The following KIFC3 variants were observed in gnomAD, a reference collection of about 807,000 sequenced individuals.
The protein encoded by KIFC3 is kinesin family member C3, also known as kinesin-like protein KIFC3.
In KIFC3, 60 loss-of-function variants were observed where a neutral mutation model predicts 101.8. That is an observed-to-expected ratio of 0.59 (90% CI 0.48 to 0.73). The LOEUF (loss-of-function observed/expected upper bound fraction) is 0.73, where lower values mean the gene tolerates loss of function less well. Ranked by LOEUF, KIFC3 falls within the 30% of genes least tolerant of loss-of-function variation. The pLI is 0.00. For missense variants in KIFC3, 966 were observed against 1,137.1 expected (o/e 0.85, Z 2.16); for synonymous variants, 476 against 482.7 (o/e 0.99, Z 0.18).
At chr16:57,854,629 G>GAAAAA (rs59106449) in intron 1 of KIFC3, among the ~76,000 whole-genome samples, 1 of 131,226 alleles carries the variant, frequency 7.6e-6, no homozygotes, top group Non-Finnish European at 1.6e-5. Context: ...CTCCGTCTCA[G>GAAAAA]AAAAAAAAAA....
chr16:57,761,011 A>G, intron 15 of KIFC3, 31 bp downstream of exon 15: 1 of 1,602,664 alleles, frequency 6.2e-7, no homozygotes, highest in Non-Finnish European at 8.5e-7. Flanking sequence ...GGTTGTGGGG[A>G]TCCTCAGGCC....
intron 1 of KIFC3, chr16:57,813,796 G>A (rs1396085545): frequency 1.0e-6 from 1 of 985,470 alleles, no homozygotes; most frequent in African/African-American, 1.7e-5. Context: ...GGACTCGGGA[G>A]ACTCAAGGCA....
At position 57,782,110 on chromosome 16, in the gene KIFC3, C is replaced by T. The variant is rs114132312; in HGVS notation, c.316-9822G>A. On this transcript the variant is annotated intron_variant, in intron 3 of 19. Coordinates refer to ENST00000445690, the MANE Select transcript of KIFC3 (RefSeq NM_001130100.2). ...AGTCTGAGTCAAACCACAGTGAGGCCAGCAGGAGACCAGGGCACACGGGAG... is the reference window on the plus strand; with the variant it reads ...AGTCTGAGTCAAACCACAGTGAGGCTAGCAGGAGACCAGGGCACACGGGAG... The T allele has an allele frequency of 2.5e-3, 2,508 of 985,436 alleles. 50 individuals carry two copies. The African/African-American group carries it at 0.04, about 16-fold the overall frequency. 61.0% of individuals were successfully genotyped at this position (985,436 alleles called of 1,614,324 possible). A position where few individuals can be genotyped will look rare whatever the true frequency, so the allele number is the denominator to read the frequency against.
chr16:57,785,704 G>A, intron 3 of KIFC3: 3 of 1,161,590 alleles, frequency 2.6e-6, no homozygotes, highest in Non-Finnish European at 3.3e-6. Context: ...GGGCAGCAGA[G>A]GTCCCACGCT....
At chr16:57,764,272 T>C in intron 11 of KIFC3, 25 bp from the exon 12 acceptor site, 1 of 495,564 alleles carries the variant, frequency 2.0e-6, no homozygotes, top group Non-Finnish European at 4.0e-6. Flanking sequence ...GGAGGGAGGC[T>C]GGTGGGGGGG....
intron 1 of KIFC3, among the ~76,000 whole-genome samples, chr16:57,845,854 A>G (rs2055907319): frequency 1.3e-5 from 2 of 152,092 alleles, no homozygotes; most frequent in Non-Finnish European, 2.9e-5. Context: ...AGGGAGAGTC[A>G]CCTCTGAGAG....
intron 3 of KIFC3, among the ~76,000 whole-genome samples, chr16:57,774,523 A>AT (rs201606601): frequency 3.1e-4 from 46 of 147,024 alleles, no homozygotes; most frequent in Admixed American, 2.0e-3. Context: ...CTTTTCAGTA[A>AT]TTTTTTTTTT....
intron 1 of KIFC3, among the ~76,000 whole-genome samples, chr16:57,827,331 C>T (rs1482249031): frequency 1.3e-5 from 2 of 152,258 alleles, no homozygotes; most frequent in East Asian, 3.9e-4. Context: ...TCCAAGGCCA[C>T]TGCCGGCTGC....
At chr16:57,797,267 T>C (rs1359568515) in intron 2 of KIFC3, among the ~76,000 whole-genome samples, 1 of 152,160 alleles carries the variant, frequency 6.6e-6, no homozygotes, top group African/African-American at 2.4e-5. Context: ...CCTGTTCCTG[T>C]AGGTCACGAG....
In KIFC3 at chr16:57,795,073, G is replaced by A. The variant is rs782473649; in HGVS notation, c.241C>T (p.Leu81=). Residue 81 remains leucine, a synonymous_variant, in exon 3 of 20, where the codon CTA becomes TTA. Transcript: ENST00000445690. ...ACGCTAAGGGCTCGGCACTGAGCTA[G>A]GGCTGGGCGAGCTGCACTTCGGGCA... ...SSARSAARPA[L]AQCRALSVDW... The A allele has an allele frequency of 2.5e-6, 4 of 1,608,410 alleles. No individual in the cohort carries two copies. The highest frequency in any genetic ancestry group is 3.4e-6 in the Non-Finnish European group (4 of 1,177,846).
intron 4 of KIFC3, 112 bp downstream of exon 4, chr16:57,772,111 G>T: frequency 1.2e-6 from 1 of 865,546 alleles, no homozygotes; most frequent in Non-Finnish European, 1.8e-6. Flanking sequence ...CTGAGACAGG[G>T]TGGGATATGC....
At chr16:57,808,754 A>G (rs1234165785) in intron 1 of KIFC3, among the ~76,000 whole-genome samples, 1 of 152,218 alleles carries the variant, frequency 6.6e-6, no homozygotes, top group Non-Finnish European at 1.5e-5. Flanking sequence ...GAGGCCAGGC[A>G]GACCTGGGTT....
At chr16:57,794,703 G>C (rs2149192505) in intron 3 of KIFC3, among the ~76,000 whole-genome samples, 1 of 152,278 alleles carries the variant, frequency 6.6e-6, no homozygotes, top group Middle Eastern at 3.4e-3. Context: ...AAACCTGCCT[G>C]TTTTCCCAAT....
chr16:57,855,442 G>T (rs1265122490), intron 1 of KIFC3, among the ~76,000 whole-genome samples: 1 of 151,842 alleles, frequency 6.6e-6, no homozygotes, highest in Non-Finnish European at 1.5e-5. Flanking sequence ...TGAAAGTTTG[G>T]ATAGAAATTG....
chr16:57,799,901 A>G (rs1286848115), intron 1 of KIFC3, among the ~76,000 whole-genome samples: 1 of 152,150 alleles, frequency 6.6e-6, no homozygotes, highest in Non-Finnish European at 1.5e-5. Context: ...ACAGGCAGAA[A>G]GCCTGAGCCT....
chr16:57,793,285 C>CAAAAAAAAAAAAAAAAAA (rs879980109), intron 3 of KIFC3, among the ~76,000 whole-genome samples: 1 of 127,100 alleles, frequency 7.9e-6, no homozygotes. Context: ...GACTCTGTCT[C>CAAAAAAAAAAAAAAAAAA]AAAAAAAAAA....
chr16:57,856,971 T>G lies in KIFC3; in HGVS notation c.108+5758A>C, dbSNP rs9931369. On this transcript the variant is annotated intron_variant, in intron 1 of 2. Coordinates refer to the KIFC3 transcript ENST00000563028. ...TTCTACCAAACATTTCAAGAAGATA[T>G]AACACCAGTAGAACACTTCCTAACT... Among the ~76,000 whole-genome samples the G allele has an allele frequency of 7.4e-3, 1,131 of 152,284 alleles. 15 individuals are homozygous for G. The highest frequency in any genetic ancestry group is 0.026 in the African/African-American group (1,078 of 41,554).
intron 3 of KIFC3, among the ~76,000 whole-genome samples, chr16:57,783,472 C>CTTTT (rs146386887): frequency 0.2 from 16,271 of 81,556 alleles, 1,395 homozygotes; most frequent in Middle Eastern, 0.27. Context: ...ATTTTCTTTT[C>CTTTT]TTTTTTTTTT....
intron 3 of KIFC3, among the ~76,000 whole-genome samples, chr16:57,791,957 T>C (rs2053906797): frequency 6.6e-6 from 1 of 152,226 alleles, no homozygotes; most frequent in Non-Finnish European, 1.5e-5. Flanking sequence ...AGACTGTCCC[T>C]GAAGCAACAT....
Sources: gnomAD v4.1 joint callset for allele counts (sites outside exome capture counted in the v4.1 genomes callset) on GRCh38, gnomAD v4.1.1 for gene constraint, MANE v1.5 for transcripts, NCBI Gene and HGNC (gene_info 2026-07-23, HGNC 2026-07-21) for gene names.